The following ANGPT1 variants were observed in gnomAD, a reference collection of about 807,000 sequenced individuals.
ANGPT1 encodes the protein angiopoietin-1.
Under a neutral mutation model 62.2 loss-of-function variants are expected in ANGPT1, and 17 were observed. The ratio of observed to expected loss-of-function variants is 0.27; its 90% confidence interval spans 0.19 to 0.41. ANGPT1 has a LOEUF of 0.41. Among genes scored for constraint, ANGPT1 ranks in the 10% least tolerant of loss-of-function variants. The pLI, the probability that ANGPT1 is intolerant of heterozygous loss-of-function variation, is 1.00. For synonymous variants in ANGPT1, 199 were observed against 198.9 expected (o/e 1.00, Z 0.00); for missense variants, 478 against 594.9 (o/e 0.80, Z 2.04).
At position 107,336,236 on chromosome 8, in the gene ANGPT1, C is replaced by T. The variant is rs901221466; in HGVS notation, c.489G>A (p.Leu163=). The T allele has an allele frequency of 1.9e-5, 31 of 1,606,580 alleles. No individual in the cohort carries two copies. The highest frequency in any genetic ancestry group is 2.5e-5 in the Non-Finnish European group (30 of 1,177,534). ...LNQTSRLEIQ[L]LENSLSTYKL... ...TGTAGGTGGATAATGAATTCTCCAG[C>T]AGCTGTATCTCAAGTCGAGAAGTTT... Residue 163 remains leucine (L), a synonymous_variant, in exon 3 of 9, where the codon CTG becomes CTA. Transcript: ENST00000517746.
intron 8 of ANGPT1, among the ~76,000 whole-genome samples, chr8:107,261,992 C>T (rs532738974): frequency 1.3e-5 from 2 of 151,822 alleles, no homozygotes; most frequent in South Asian, 2.1e-4. Flanking sequence ...GTCAGGGCTT[C>T]GAGACCAGCC....
intron 4 of ANGPT1, among the ~76,000 whole-genome samples, chr8:107,318,605 C>T (rs547041993): frequency 6.6e-6 from 1 of 152,192 alleles, no homozygotes; most frequent in African/African-American, 2.4e-5. Flanking sequence ...TTTATACTAA[C>T]CTCTTTTAAT....
intron 1 of ANGPT1, among the ~76,000 whole-genome samples, chr8:107,352,377 G>T: frequency 6.6e-6 from 1 of 152,216 alleles, no homozygotes; most frequent in South Asian, 2.1e-4. Flanking sequence ...TTTTTAAGAA[G>T]GTAATATAAT....
chr8:107,298,846 C>T (rs1415234789), intron 5 of ANGPT1, among the ~76,000 whole-genome samples: 2 of 151,738 alleles, frequency 1.3e-5, no homozygotes, highest in Non-Finnish European at 2.9e-5. Flanking sequence ...CTTACCCTTG[C>T]CAAAACTTCT....
At chr8:107,319,774 C>CT (rs1815107103) in intron 4 of ANGPT1, among the ~76,000 whole-genome samples, 1 of 151,778 alleles carries the variant, frequency 6.6e-6, no homozygotes, top group Non-Finnish European at 1.5e-5. Context: ...TCATAAAAAC[C>CT]TTATGAGAGC....
chr8:107,369,687 G>C (rs1395480948), intron 1 of ANGPT1, among the ~76,000 whole-genome samples: 1 of 152,076 alleles, frequency 6.6e-6, no homozygotes, highest in Non-Finnish European at 1.5e-5. Flanking sequence ...CAATATTTTT[G>C]TGTCTTTGAG....
chr8:107,417,049 A>G (rs1005973005), intron 1 of ANGPT1, among the ~76,000 whole-genome samples: 1 of 152,068 alleles, frequency 6.6e-6, no homozygotes, highest in Non-Finnish European at 1.5e-5. Context: ...TCAACCTCCC[A>G]AAGTGTGAGG....
chr8:107,287,511 T>C (rs1345628788), intron 6 of ANGPT1, among the ~76,000 whole-genome samples: 1 of 152,118 alleles, frequency 6.6e-6, no homozygotes, highest in African/African-American at 2.4e-5. Context: ...AAGGTTTGAG[T>C]ACAATGAATC....
intron 8 of ANGPT1, among the ~76,000 whole-genome samples, chr8:107,256,675 A>G (rs760527869): frequency 1.6e-4 from 24 of 152,130 alleles, no homozygotes; most frequent in Non-Finnish European, 2.9e-4. Context: ...TATTTTGTTT[A>G]TGCTTGGGAA....
At chr8:107,416,940 C>A (rs562983948) in intron 1 of ANGPT1, among the ~76,000 whole-genome samples, 1 of 151,752 alleles carries the variant, frequency 6.6e-6, no homozygotes, top group Non-Finnish European at 1.5e-5. Context: ...TATAGGTATG[C>A]GCCACCATCT....
intron 1 of ANGPT1, among the ~76,000 whole-genome samples, chr8:107,435,405 T>C (rs1377822300): frequency 6.6e-6 from 1 of 152,200 alleles, no homozygotes; most frequent in Non-Finnish European, 1.5e-5. Context: ...TCTAGACAAA[T>C]GCTTCTCAAA....
chr8:107,421,663 A>T (rs1810898215), intron 1 of ANGPT1, among the ~76,000 whole-genome samples: 1 of 152,182 alleles, frequency 6.6e-6, no homozygotes, highest in African/African-American at 2.4e-5. Context: ...CGCTCTTTGA[A>T]TTGTTTGCTT....
intron 1 of ANGPT1, among the ~76,000 whole-genome samples, chr8:107,390,126 T>A (rs764721201): frequency 2.6e-4 from 39 of 152,180 alleles, no homozygotes; most frequent in Non-Finnish European, 5.0e-4. Context: ...CCATAATAAT[T>A]TTTAACACAT....
intron 1 of ANGPT1, among the ~76,000 whole-genome samples, chr8:107,461,526 T>C (rs1033152231): frequency 6.6e-6 from 1 of 152,098 alleles, no homozygotes; most frequent in African/African-American, 2.4e-5. Flanking sequence ...GTATTTTCAT[T>C]TTGTCACCTA....
chr8:107,304,436 T>C (rs558663474), intron 4 of ANGPT1, among the ~76,000 whole-genome samples: 18 of 151,900 alleles, frequency 1.2e-4, no homozygotes, highest in African/African-American at 4.3e-4. Context: ...TAAAGTTTCC[T>C]ATCAATAAAT....
chr8:107,292,737 T>C (rs934485980), intron 6 of ANGPT1, among the ~76,000 whole-genome samples: 20 of 152,152 alleles, frequency 1.3e-4, no homozygotes, highest in African/African-American at 4.8e-4. Flanking sequence ...GAAACCTCCA[T>C]TCATTTATTA....
chr8:107,295,132 A>G (rs946648813), intron 5 of ANGPT1: 3 of 152,206 alleles, frequency 2.0e-5, no homozygotes, highest in Admixed American at 6.5e-5. Flanking sequence ...CGAATTGTCC[A>G]TGTACTTCCT....
rs1239874429 is a variant in ANGPT1 at position 107,249,628 on chromosome 8, TAAATTG to T, written c.*2221_*2226del. 1 of 152,120 alleles carries T rather than the reference TAAATTG, an allele frequency of 6.6e-6. No homozygotes were observed. The highest frequency in any genetic ancestry group is 2.4e-5 in the African/African-American group (1 of 41,440). The allele number at this position is 152,120 out of a possible 1,614,324, so 9.4% of individuals were successfully genotyped here. On this transcript the variant is annotated 3_prime_UTR_variant, in exon 9 of 9. Coordinates refer to ENST00000517746, the MANE Select transcript of ANGPT1 (RefSeq NM_001146.5). Reference sequence around the variant, plus strand: ...GAAACAATTAAAAGAATACACATGTTAAATTGCCATAAACATGTACGTATTACATAA... The same window carrying T: ...GAAACAATTAAAAGAATACACATGTTCCATAAACATGTACGTATTACATAA...
intron 3 of ANGPT1, among the ~76,000 whole-genome samples, chr8:107,330,145 TACTA>T (rs1234383827): frequency 4.6e-5 from 7 of 152,180 alleles, no homozygotes; most frequent in African/African-American, 1.7e-4. Context: ...TTCAGTGTCA[TACTA>T]ACAACTAACA....
Sources: allele counts gnomAD v4.1 joint callset (sites outside exome capture counted in the v4.1 genomes callset), GRCh38; gene constraint gnomAD v4.1.1; transcripts MANE v1.5; gene names NCBI Gene and HGNC (gene_info 2026-07-23, HGNC 2026-07-21).